CSMD1: variants seen among roughly 807,000 people sequenced by gnomAD.
CSMD1 encodes the protein CUB and Sushi multiple domains 1.
Under a neutral mutation model 417.5 loss-of-function variants are expected in CSMD1, and 213 were observed. The observed-to-expected ratio is 0.51, with a 90% CI of 0.46 to 0.57. The LOEUF (loss-of-function observed/expected upper bound fraction) is 0.57, where lower values mean the gene tolerates loss of function less well. CSMD1 is among the 20% of genes least tolerant of loss of function. The probability of loss-of-function intolerance (pLI) is 0.00; values close to 1 mark genes in which losing one functional copy is unlikely to be tolerated. For synonymous variants in CSMD1, 2,862 were observed against 1,736.8 expected (o/e 1.65, Z -16.11); for missense variants, 6,923 against 4,529.7 (o/e 1.53, Z -15.17).
chr8:3,863,828 A>G (rs1257450904), intron 5 of CSMD1, among the ~76,000 whole-genome samples: 1 of 152,188 alleles, frequency 6.6e-6, no homozygotes, highest in Non-Finnish European at 1.5e-5. Flanking sequence ...ACGAAAAAAA[A>G]AATCAGAAAA....
At chr8:4,110,516 T>C (rs572012854) in intron 3 of CSMD1, among the ~76,000 whole-genome samples, 1 of 152,174 alleles carries the variant, frequency 6.6e-6, no homozygotes, top group Non-Finnish European at 1.5e-5. Flanking sequence ...CCCTAGCGTG[T>C]GCAAGTTAAG....
intron 7 of CSMD1, among the ~76,000 whole-genome samples, chr8:3,632,197 C>A (rs967003649): frequency 6.6e-6 from 1 of 152,180 alleles, no homozygotes; most frequent in African/African-American, 2.4e-5. Context: ...GGCAGAACTA[C>A]TTTGGCAATA....
chr8:3,399,108 C>T (rs924595836), intron 16 of CSMD1, among the ~76,000 whole-genome samples: 1 of 152,082 alleles, frequency 6.6e-6, no homozygotes, highest in African/African-American at 2.4e-5. Flanking sequence ...GATTCCAGTG[C>T]AGGTCCCAAA....
chr8:4,932,730 T>G (rs1360065998), intron 1 of CSMD1, among the ~76,000 whole-genome samples: 1 of 152,200 alleles, frequency 6.6e-6, no homozygotes, highest in Non-Finnish European at 1.5e-5. Context: ...GTGATCAGCC[T>G]TAAGTACGAT....
intron 2 of CSMD1, among the ~76,000 whole-genome samples, chr8:4,446,543 G>T (rs999043138): frequency 6.6e-6 from 1 of 152,014 alleles, no homozygotes; most frequent in Non-Finnish European, 1.5e-5. Flanking sequence ...TGAGACCCCG[G>T]TTCTGCTTTG....
chr8:4,710,817 C>T (rs1435356640), intron 1 of CSMD1, among the ~76,000 whole-genome samples: 3 of 151,294 alleles, frequency 2.0e-5, no homozygotes, highest in East Asian at 1.9e-4. Flanking sequence ...TGCGCTCTAG[C>T]CTGGGAGACA....
chr8:4,648,754 G>A (rs1462866827), intron 1 of CSMD1, among the ~76,000 whole-genome samples: 6 of 152,084 alleles, frequency 3.9e-5, no homozygotes, highest in Non-Finnish European at 5.9e-5. Context: ...TGGGGATGAG[G>A]GCTACTCCAT....
intron 26 of CSMD1, among the ~76,000 whole-genome samples, chr8:3,253,507 T>C (rs999968857): frequency 6.6e-6 from 1 of 152,188 alleles, no homozygotes; most frequent in Non-Finnish European, 1.5e-5. Flanking sequence ...TATATTCTGT[T>C]GATTTGGGGT....
intron 1 of CSMD1, among the ~76,000 whole-genome samples, chr8:4,802,012 T>C (rs1436634046): frequency 6.6e-6 from 1 of 152,188 alleles, no homozygotes; most frequent in Non-Finnish European, 1.5e-5. Context: ...TTTGCTTCCC[T>C]GGTGTAGACA....
chr8:4,177,783 C>T (rs1798134743), intron 3 of CSMD1, among the ~76,000 whole-genome samples: 1 of 151,832 alleles, frequency 6.6e-6, no homozygotes, highest in Admixed American at 6.6e-5. Flanking sequence ...AAACTGCCAT[C>T]AGAGAATACT....
intron 1 of CSMD1, among the ~76,000 whole-genome samples, chr8:4,655,606 C>T (rs1804183686): frequency 6.6e-6 from 1 of 151,978 alleles, no homozygotes; most frequent in South Asian, 2.1e-4. Flanking sequence ...GTGTAAGTAA[C>T]TTTATGGTAC....
chr8:4,210,431 T>A (rs1800237095), intron 3 of CSMD1, among the ~76,000 whole-genome samples: 1 of 152,198 alleles, frequency 6.6e-6, no homozygotes, highest in Non-Finnish European at 1.5e-5. Flanking sequence ...TAAATCTCAG[T>A]CATTTTAAAC....
In CSMD1 at chr8:4,834,905, T is replaced by C. The variant is rs565439966; in HGVS notation, c.85+159427A>G. ...CCGGGAGGCGGAGCTTGCAGTGATC[T>C]GAGATGGCGCCACTGCACTCCAGCC... On this transcript the variant is annotated intron_variant, in intron 1 of 69. Coordinates refer to ENST00000635120, the MANE Select transcript of CSMD1 (RefSeq NM_033225.6). Among the ~76,000 whole-genome samples, 128 of 127,282 alleles carry C rather than the reference T, an allele frequency of 1.0e-3. 2 individuals are homozygous for C. In the East Asian group the frequency reaches 0.018, roughly 18 times the overall value. 83.5% of individuals were successfully genotyped at this position (127,282 alleles called of 152,430 possible).
chr8:3,866,163 A>C lies in CSMD1; in HGVS notation c.819-112121T>G, dbSNP rs968610847. On this transcript the variant is annotated intron_variant, in intron 5 of 69. Transcript: ENST00000635120. ...TCTGAAGATATAACATTAAGGTTTTAATTCACAACTACATACACATCTAAG... is the reference window on the plus strand; with the variant it reads ...TCTGAAGATATAACATTAAGGTTTTCATTCACAACTACATACACATCTAAG... Among the ~76,000 whole-genome samples, 7 of 152,366 alleles carry C rather than the reference A, an allele frequency of 4.6e-5. No homozygotes were observed. The East Asian group carries it at 1.2e-3, about 25-fold the overall frequency.
intron 3 of CSMD1, among the ~76,000 whole-genome samples, chr8:4,198,707 G>C (rs1585007337): frequency 6.6e-6 from 1 of 152,046 alleles, no homozygotes; most frequent in Non-Finnish European, 1.5e-5. Flanking sequence ...TGGATACTAA[G>C]TGTATTTTAA....
intron 5 of CSMD1, among the ~76,000 whole-genome samples, chr8:3,872,146 G>A (rs1335853471): frequency 6.6e-6 from 1 of 151,926 alleles, no homozygotes; most frequent in Non-Finnish European, 1.5e-5. Flanking sequence ...ATTTCATGTT[G>A]TTTTAACCCG....
chr8:4,499,648 G>C (rs145842650), intron 2 of CSMD1, among the ~76,000 whole-genome samples: 19 of 152,352 alleles, frequency 1.2e-4, no homozygotes, highest in South Asian at 6.2e-4. Context: ...TCGCCCCTGC[G>C]AGTAGGTATG....
chr8:3,361,836 G>A (rs752631600), intron 20 of CSMD1, among the ~76,000 whole-genome samples: 3 of 152,064 alleles, frequency 2.0e-5, no homozygotes, highest in Admixed American at 1.3e-4. Context: ...CAACTTAGAA[G>A]GACAGAAAGC....
chr8:3,407,771 A>C, intron 14 of CSMD1, 128 bp downstream of exon 14: 2 of 828,614 alleles, frequency 2.4e-6, no homozygotes, highest in Non-Finnish European at 1.9e-6. Context: ...TACTACTGTC[A>C]TTTTCATAAT....
Sources: allele counts gnomAD v4.1 joint callset (sites outside exome capture counted in the v4.1 genomes callset), GRCh38; gene constraint gnomAD v4.1.1; transcripts MANE v1.5; gene names NCBI Gene and HGNC (gene_info 2026-07-23, HGNC 2026-07-21).